The following KCNAB2 variants were observed in gnomAD, a reference collection of about 807,000 sequenced individuals.
The protein encoded by KCNAB2 is voltage-gated potassium channel subunit beta-2.
A neutral mutation model predicts 63.6 loss-of-function variants in KCNAB2; 29 were observed. The ratio of observed to expected loss-of-function variants is 0.46; its 90% confidence interval spans 0.34 to 0.62. The LOEUF is 0.62. Among genes scored for constraint, KCNAB2 ranks in the 20% least tolerant of loss-of-function variants. The pLI is 0.01. For missense variants in KCNAB2, 359 were observed against 563.9 expected (o/e 0.64, Z 3.68); for synonymous variants, 222 against 224.2 (o/e 0.99, Z 0.09).
In KCNAB2 at chr1:6,100,129, C is replaced by A; in HGVS notation, c.*1555C>A. The A allele has an allele frequency of 1.4e-6, 2 of 1,422,970 alleles. No individual in the cohort carries two copies. Among genetic ancestry groups the A allele is most frequent in the South Asian group, 3.1e-5 (2 of 65,376 alleles). 88.1% of individuals were successfully genotyped at this position (1,422,970 alleles called of 1,614,324 possible). ...ACTATTCCAGAAGGCTCCACCCTGC[C>A]GTCCTGCGGGAGCCTGCTGTCCAGT... On this transcript the variant is annotated 3_prime_UTR_variant, in exon 16 of 16. Transcript: ENST00000378083.
rs550340264 is a variant in KCNAB2 at position 6,080,923 on chromosome 1, C to T, written c.301-1272C>T. Among the ~76,000 whole-genome samples, 4 of 152,306 alleles carry T rather than the reference C, an allele frequency of 2.6e-5. No homozygotes were observed. The East Asian group carries it at 5.8e-4, about 22-fold the overall frequency. ...TTGAGGGTTATTAAGAATTATTCACCCCACGCTGGGCTTGTTGCTGGTGAG... is the reference window on the plus strand; with the variant it reads ...TTGAGGGTTATTAAGAATTATTCACTCCACGCTGGGCTTGTTGCTGGTGAG... On this transcript the variant is annotated intron_variant, in intron 4 of 15. Coordinates refer to ENST00000378083, the MANE Select transcript of KCNAB2 (RefSeq NM_001199862.2).
At chr1:6,062,387 G>C (rs1384509871) in intron 2 of KCNAB2, among the ~76,000 whole-genome samples, 1 of 152,166 alleles carries the variant, frequency 6.6e-6, no homozygotes, top group Non-Finnish European at 1.5e-5. Context: ...TGTGAGCTAG[G>C]AAACGCCATT....
Position 6,100,256 on chromosome 1 carries a change from C to A in KCNAB2, c.*1682C>A. 1.7e-6 allele frequency: 1 copy of A among 591,540 alleles called. No homozygotes were observed. Among genetic ancestry groups the A allele is most frequent in the Non-Finnish European group, 2.7e-6 (1 of 375,590 alleles). 36.6% of individuals were successfully genotyped at this position (591,540 alleles called of 1,614,324 possible). On this transcript the variant is annotated 3_prime_UTR_variant, in exon 16 of 16. Transcript: ENST00000378083. ...GGGATCAGCTTCTGCTATTACCGAC[C>A]CCCCTTCATGCTGCCCCTGGCGCCT...
chr1:6,039,642 AC>A (rs1338881738), intron 1 of KCNAB2, among the ~76,000 whole-genome samples: 1 of 151,916 alleles, frequency 6.6e-6, no homozygotes, highest in Admixed American at 6.6e-5. Flanking sequence ...CTGTTTTGGG[AC>A]CCCTGAGCTG....
intron 4 of KCNAB2, among the ~76,000 whole-genome samples, chr1:6,075,601 G>C (rs1571036954): frequency 6.6e-6 from 1 of 152,296 alleles, no homozygotes; most frequent in East Asian, 1.9e-4. Flanking sequence ...ACATCTAGAA[G>C]GGGGGGCCCG....
At chr1:6,094,512 G>A in intron 11 of KCNAB2, 27 bp downstream of exon 11, 1 of 1,581,740 alleles carries the variant, frequency 6.3e-7, no homozygotes, top group Non-Finnish European at 8.6e-7. Context: ...GCATGTGTGT[G>A]TCCAGGCACA....
intron 1 of KCNAB2, among the ~76,000 whole-genome samples, chr1:6,004,203 C>G (rs1380478362): frequency 1.3e-5 from 2 of 151,502 alleles, no homozygotes; most frequent in African/African-American, 4.8e-5. Context: ...GTCTGCTTCT[C>G]ATAGAACCTG....
intron 10 of KCNAB2, among the ~76,000 whole-genome samples, chr1:6,093,568 G>A (rs2100778667): frequency 6.6e-6 from 1 of 152,320 alleles, no homozygotes; most frequent in Admixed American, 6.5e-5. Flanking sequence ...TCATCCTCAG[G>A]GCCTTAGGAG....
Position 6,094,383 on chromosome 1 carries a change from C to T in KCNAB2, c.647-17C>T, listed in dbSNP as rs1195307638. On this transcript the variant is annotated splice_polypyrimidine_tract_variant and intron_variant, in intron 10 of 15. Transcript: ENST00000378083. Reference sequence around the variant, plus strand: ...CTGGCTGCCCCCCACCTGCGGTTTCCCTTTCTCTCACGACAGAGACCGTCC... The same window carrying T: ...CTGGCTGCCCCCCACCTGCGGTTTCTCTTTCTCTCACGACAGAGACCGTCC... 6.2e-7 allele frequency: 1 copy of T among 1,601,250 alleles called. No individual in the cohort carries two copies. The highest frequency in any genetic ancestry group is 8.5e-7 in the Non-Finnish European group (1 of 1,174,166).
intron 2 of KCNAB2, among the ~76,000 whole-genome samples, chr1:6,070,794 G>A (rs780453366): frequency 2.6e-5 from 4 of 152,014 alleles, no homozygotes; most frequent in African/African-American, 7.3e-5. Flanking sequence ...TAAAATGCCC[G>A]GTGTCCTCCA....
At chr1:6,055,822 A>G (rs1356172621) in intron 2 of KCNAB2, among the ~76,000 whole-genome samples, 1 of 152,224 alleles carries the variant, frequency 6.6e-6, no homozygotes, top group East Asian at 1.9e-4. Context: ...ACCACCAGTT[A>G]TTAAAGATCC....
At chr1:6,070,041 G>T (rs1297881803) in intron 2 of KCNAB2, among the ~76,000 whole-genome samples, 1 of 152,272 alleles carries the variant, frequency 6.6e-6, no homozygotes, top group Middle Eastern at 3.4e-3. Context: ...CCCTGACCTG[G>T]CCTTCAGCAG....
At position 5,996,880 on chromosome 1, in the gene KCNAB2, G is replaced by A. The variant is rs186740380; in HGVS notation, c.-53+4092G>A. On this transcript the variant is annotated intron_variant, in intron 1 of 16. Coordinates refer to the KCNAB2 transcript ENST00000341524. The stretch of plus-strand genomic sequence containing the variant: ...CCGCACCAGATTCAACCCATTCCAC[G>A]TGGGCCAGTTTTCTGGAGCAACTTC... 9.3e-3 allele frequency among the ~76,000 whole-genome samples: 1,415 copies of A among 152,270 alleles called. 13 individuals carry two copies. The highest frequency in any genetic ancestry group is 0.044 in the Middle Eastern group (13 of 294).
chr1:6,002,403 G>A (rs1293099429), intron 1 of KCNAB2, among the ~76,000 whole-genome samples: 2 of 152,244 alleles, frequency 1.3e-5, no homozygotes, highest in Non-Finnish European at 2.9e-5. Context: ...GGCAGGAGGC[G>A]GGGATGCACC....
chr1:6,076,632 T>A (rs6577486), intron 4 of KCNAB2, among the ~76,000 whole-genome samples: 3 of 152,222 alleles, frequency 2.0e-5, no homozygotes, highest in African/African-American at 7.2e-5. Context: ...TCACCTGGCC[T>A]CTGGCCACAG....
At position 6,096,867 on chromosome 1, in the gene KCNAB2, A is replaced by G. The variant is rs2100797018; in HGVS notation, c.1069+111A>G. The stretch of plus-strand genomic sequence containing the variant: ...GGCCAGTGTCTCCGGGGAGAGAGGG[A>G]AGGGATCCCTGGACATCATCCCCCA... On this transcript the variant is annotated intron_variant, in intron 14 of 15. Transcript: ENST00000378083. The surrounding 1 kb of genome is among the most constrained non-coding windows in gnomAD (Gnocchi z 5.9). The G allele has an allele frequency of 1.5e-6, 2 of 1,339,264 alleles. No homozygotes were observed. Among genetic ancestry groups the G allele is most frequent in the Admixed American group, 5.5e-5 (2 of 36,058 alleles). 83.0% of individuals were successfully genotyped at this position (1,339,264 alleles called of 1,614,324 possible). A position where few individuals can be genotyped will look rare whatever the true frequency, so the allele number is the denominator to read the frequency against.
intron 4 of KCNAB2, among the ~76,000 whole-genome samples, chr1:6,077,445 C>T (rs544397845): frequency 3.3e-5 from 5 of 152,188 alleles, no homozygotes; most frequent in Admixed American, 6.5e-5. Flanking sequence ...CAATCCCAGG[C>T]GCCACCCTGG....
chr1:6,097,709 G>C (rs1246427533), intron 15 of KCNAB2: 1 of 517,842 alleles, frequency 1.9e-6, no homozygotes, highest in Admixed American at 3.4e-5. Flanking sequence ...GCAGTCTTGA[G>C]AGATGCGGAG....
rs903091818 is a variant in KCNAB2 at position 6,009,636 on chromosome 1, A to G, written c.-53+16848A>G. Among the ~76,000 whole-genome samples, 4 of 152,354 alleles carry G rather than the reference A, an allele frequency of 2.6e-5. No homozygotes were observed. In the South Asian group the frequency reaches 6.2e-4, roughly 24 times the overall value. Reference sequence around the variant, plus strand: ...TTTTAAAGGGAAAAAGAACTGCAGCATGATCTGGAATTCGCTTTCTGCCCT... The same window carrying G: ...TTTTAAAGGGAAAAAGAACTGCAGCGTGATCTGGAATTCGCTTTCTGCCCT... On this transcript the variant is annotated intron_variant, in intron 1 of 16. Transcript: ENST00000341524.
Sources: allele counts gnomAD v4.1 joint callset (sites outside exome capture counted in the v4.1 genomes callset), GRCh38; gene constraint gnomAD v4.1.1; non-coding constraint Gnocchi (gnomAD v3.1); transcripts MANE v1.5; gene names NCBI Gene and HGNC (gene_info 2026-07-23, HGNC 2026-07-21).